The following CNIH3 variants were observed in gnomAD, a reference collection of about 807,000 sequenced individuals.
CNIH3 encodes the protein protein cornichon homolog 3.
Under a neutral mutation model 24.1 loss-of-function variants are expected in CNIH3, and 14 were observed. The observed-to-expected ratio is 0.58, with a 90% CI of 0.38 to 0.91. The LOEUF is 0.91. Among genes scored for constraint, CNIH3 ranks in the 40% least tolerant of loss-of-function variants. The pLI is 0.00. For missense variants in CNIH3, 178 were observed against 196.8 expected (o/e 0.90, Z 0.57); for synonymous variants, 68 against 73.8 (o/e 0.92, Z 0.40).
intron 3 of CNIH3, among the ~76,000 whole-genome samples, chr1:224,728,010 A>G (rs978813824): frequency 1.3e-5 from 2 of 152,166 alleles, no homozygotes; most frequent in African/African-American, 4.8e-5. Context: ...TGCAGCCTCC[A>G]CAATAAATCA....
At chr1:224,709,308 T>C (rs1193107385) in intron 3 of CNIH3, among the ~76,000 whole-genome samples, 1 of 152,228 alleles carries the variant, frequency 6.6e-6, no homozygotes, top group Non-Finnish European at 1.5e-5. Flanking sequence ...TCTAACCATC[T>C]TGGGCATCTT....
At chr1:224,565,276 G>A (rs377064561) in intron 3 of CNIH3, 1 of 152,202 alleles carries the variant, frequency 6.6e-6, no homozygotes, top group South Asian at 2.1e-4. Context: ...TATACTCTGA[G>A]TCACTGTCCT....
At chr1:224,449,008 A>G (rs185195200) in intron 1 of CNIH3, among the ~76,000 whole-genome samples, 2,088 of 128,934 alleles carry the variant, frequency 0.016, 55 homozygotes, top group African/African-American at 0.059. Flanking sequence ...CTTTTTGCCC[A>G]GGCTGGAGTG....
chr1:224,658,086 G>A (rs922637373), intron 1 of CNIH3, among the ~76,000 whole-genome samples: 2 of 152,108 alleles, frequency 1.3e-5, no homozygotes, highest in Non-Finnish European at 2.9e-5. Context: ...TACCAGATAA[G>A]CCTAATATGT....
intron 2 of CNIH3, among the ~76,000 whole-genome samples, chr1:224,682,935 G>T (rs144300715): frequency 2.6e-5 from 4 of 152,200 alleles, no homozygotes; most frequent in Non-Finnish European, 5.9e-5. Context: ...TCCATGCTGG[G>T]TTGCAGGTGA....
downstream of CNIH3, among the ~76,000 whole-genome samples, chr1:224,538,444 T>C (rs1411368854): frequency 1.3e-5 from 2 of 152,244 alleles, no homozygotes; most frequent in African/African-American, 2.4e-5. Flanking sequence ...GGAGAGACCC[T>C]GTTTAAGTCC....
At chr1:224,519,084 G>A (rs570431843) in intron 1 of CNIH3, among the ~76,000 whole-genome samples, 2 of 152,270 alleles carry the variant, frequency 1.3e-5, no homozygotes, top group African/African-American at 2.4e-5. Context: ...ATAGCACTTG[G>A]CATATATAAA....
At chr1:224,602,087 T>G (rs896494137) in intron 3 of CNIH3, among the ~76,000 whole-genome samples, 1 of 152,230 alleles carries the variant, frequency 6.6e-6, no homozygotes, top group Non-Finnish European at 1.5e-5. Flanking sequence ...TCAACAAAGT[T>G]TTAAATGTCT....
intron 3 of CNIH3, among the ~76,000 whole-genome samples, chr1:224,711,061 G>A (rs1047092735): frequency 5.9e-5 from 9 of 152,218 alleles, no homozygotes; most frequent in South Asian, 4.2e-4. Flanking sequence ...CTTTAAAATT[G>A]CATCTCCTCT....
chr1:224,558,842 C>T (rs961333120), intron 3 of CNIH3, among the ~76,000 whole-genome samples: 1 of 152,214 alleles, frequency 6.6e-6, no homozygotes, highest in Admixed American at 6.5e-5. Flanking sequence ...AGACCAAATG[C>T]TGCAACTTCT....
chr1:224,649,177 G>T (rs573016147), intron 1 of CNIH3, among the ~76,000 whole-genome samples: 64 of 152,334 alleles, frequency 4.2e-4, no homozygotes, highest in African/African-American at 1.1e-3. Flanking sequence ...TCGAGATGGG[G>T]AGATTATCCT....
chr1:224,732,917 C>T (rs758124951), intron 4 of CNIH3, among the ~76,000 whole-genome samples: 1 of 151,972 alleles, frequency 6.6e-6, no homozygotes, highest in Non-Finnish European at 1.5e-5. Flanking sequence ...AGTCTAGTTC[C>T]TGGCAATTAG....
At chr1:224,512,612 A>T (rs1005912677), upstream of CNIH3, among the ~76,000 whole-genome samples, 2 of 152,256 alleles carry the variant, frequency 1.3e-5, no homozygotes, top group African/African-American at 2.4e-5. Flanking sequence ...AAGTATTTTT[A>T]TCTAACAACA....
At chr1:224,589,376 TG>T (rs1681653817), downstream of CNIH3, among the ~76,000 whole-genome samples, 2 of 152,162 alleles carry the variant, frequency 1.3e-5, no homozygotes, top group Admixed American at 1.3e-4. Flanking sequence ...ATCAAAATAA[TG>T]GTTTAGTCTT....
At chr1:224,655,417 G>A (rs780786167) in intron 1 of CNIH3, among the ~76,000 whole-genome samples, 4 of 152,188 alleles carry the variant, frequency 2.6e-5, no homozygotes, top group Non-Finnish European at 5.9e-5. Context: ...GGATCTGGAA[G>A]GGTAAATGGA....
intron 3 of CNIH3, among the ~76,000 whole-genome samples, chr1:224,697,988 C>T (rs939988597): frequency 6.6e-6 from 1 of 152,188 alleles, no homozygotes; most frequent in African/African-American, 2.4e-5. Context: ...ATCTTCTCCC[C>T]ACGGAAAAGC....
chr1:224,463,530 T>C (rs1676016860), intron 1 of CNIH3, among the ~76,000 whole-genome samples: 1 of 151,910 alleles, frequency 6.6e-6, no homozygotes, highest in African/African-American at 2.4e-5. Context: ...TGCCTCAGCC[T>C]CCCGAGTAGC....
chr1:224,479,927 T>C (rs6426129), intron 1 of CNIH3, among the ~76,000 whole-genome samples: 127,473 of 152,122 alleles, frequency 0.84, 53,771 homozygotes, highest in East Asian at 0.97. Flanking sequence ...CGGCCCTATT[T>C]TCACAACTTC....
intron 1 of CNIH3, among the ~76,000 whole-genome samples, chr1:224,651,720 T>C (rs148642664): frequency 6.6e-6 from 1 of 152,364 alleles, no homozygotes; most frequent in African/African-American, 2.4e-5. Context: ...GATGTGTCAC[T>C]GTTTATTCAA....
Sources: allele counts gnomAD v4.1 joint callset (sites outside exome capture counted in the v4.1 genomes callset), GRCh38; gene constraint gnomAD v4.1.1; transcripts MANE v1.5; gene names NCBI Gene and HGNC (gene_info 2026-07-23, HGNC 2026-07-21).